AMBRA1: variants seen among roughly 807,000 people sequenced by gnomAD.
AMBRA1 encodes the protein autophagy and beclin 1 regulator 1.
A neutral mutation model predicts 125.4 loss-of-function variants in AMBRA1; 47 were observed. The ratio of observed to expected loss-of-function variants is 0.37; its 90% CI spans 0.30 to 0.48. The LOEUF is 0.48. Among genes scored for constraint, AMBRA1 ranks in the 20% least tolerant of loss-of-function variants. The pLI is 0.99. For missense variants in AMBRA1, 1,331 were observed against 1,693.4 expected, an observed-to-expected ratio of 0.79 and a Z score of 3.76; for synonymous variants, 626 against 655.5, an observed-to-expected ratio of 0.95 and a Z score of 0.69.
At chr11:46,438,688 C>T (rs1347053168) in intron 12 of AMBRA1, among the ~76,000 whole-genome samples, 1 of 152,156 alleles carries the variant, frequency 6.6e-6, no homozygotes, top group Admixed American at 6.5e-5. Context: ...ATCGCCTGCC[C>T]CACACCACTC....
intron 4 of AMBRA1, among the ~76,000 whole-genome samples, chr11:46,546,637 A>AT (rs1314055219): frequency 6.6e-6 from 1 of 151,888 alleles, no homozygotes; most frequent in Non-Finnish European, 1.5e-5. Context: ...AAAAAAAAAA[A>AT]GGAATGGAAG....
chr11:46,418,883 A>G (rs975881668), intron 14 of AMBRA1, among the ~76,000 whole-genome samples: 1 of 152,120 alleles, frequency 6.6e-6, no homozygotes, highest in African/African-American at 2.4e-5. Context: ...CGGACTGCCC[A>G]TAACTTTCCT....
chr11:46,591,899 A>C (rs1317844713), intron 1 of AMBRA1, among the ~76,000 whole-genome samples: 1 of 151,076 alleles, frequency 6.6e-6, no homozygotes, highest in Admixed American at 6.6e-5. Flanking sequence ...CTGATTCTAC[A>C]TACTTTGGAA....
chr11:46,454,322 C>G (rs767624224), intron 11 of AMBRA1, among the ~76,000 whole-genome samples: 1 of 151,560 alleles, frequency 6.6e-6, no homozygotes, highest in African/African-American at 2.4e-5. Flanking sequence ...AGCCATCATG[C>G]CTGGCAAACT....
At chr11:46,522,155 G>T (rs918996120) in intron 7 of AMBRA1, among the ~76,000 whole-genome samples, 3 of 152,220 alleles carry the variant, frequency 2.0e-5, no homozygotes, top group African/African-American at 7.2e-5. Context: ...CGTCTGAGAA[G>T]TCAGCCAGTT....
intron 15 of AMBRA1, among the ~76,000 whole-genome samples, chr11:46,413,144 C>G (rs989445261): frequency 4.6e-5 from 7 of 152,228 alleles, no homozygotes; most frequent in African/African-American, 1.7e-4. Context: ...CAGCATAATG[C>G]TGGTGGCCAA....
chr11:46,438,704 C>T (rs1470539864), intron 12 of AMBRA1, among the ~76,000 whole-genome samples: 2 of 152,198 alleles, frequency 1.3e-5, no homozygotes, highest in African/African-American at 4.8e-5. Flanking sequence ...CACTCATCCG[C>T]CGGGTTTCTT....
At chr11:46,413,203 C>T (rs1379105934) in intron 15 of AMBRA1, among the ~76,000 whole-genome samples, 2 of 152,252 alleles carry the variant, frequency 1.3e-5, no homozygotes, top group East Asian at 1.9e-4. Context: ...GGAGCATCAT[C>T]GGCTCAGGGC....
chr11:46,503,530 A>G (rs1950921480), intron 9 of AMBRA1, among the ~76,000 whole-genome samples: 1 of 152,208 alleles, frequency 6.6e-6, no homozygotes, highest in South Asian at 2.1e-4. Flanking sequence ...AAATGAGCAC[A>G]TGCTGTTGGA....
At chr11:46,480,307 A>G (rs1225081526) in intron 11 of AMBRA1, among the ~76,000 whole-genome samples, 1 of 152,204 alleles carries the variant, frequency 6.6e-6, no homozygotes, top group Admixed American at 6.5e-5. Flanking sequence ...TTTACCTACT[A>G]AACCATCTAA....
chr11:46,548,695 G>C (rs2042898342), intron 1 of AMBRA1, among the ~76,000 whole-genome samples, 195 bp from the exon 2 acceptor site: 1 of 152,084 alleles, frequency 6.6e-6, no homozygotes, highest in Non-Finnish European at 1.5e-5. Context: ...CAACCTTGTA[G>C]CTAAAGAAAG....
intron 9 of AMBRA1, among the ~76,000 whole-genome samples, chr11:46,499,223 C>G (rs1215772468): frequency 6.6e-6 from 1 of 152,184 alleles, no homozygotes; most frequent in Non-Finnish European, 1.5e-5. Flanking sequence ...AATCCACATT[C>G]CTATTGTGCA....
At chr11:46,413,825 A>T (rs1946407983) in intron 15 of AMBRA1, among the ~76,000 whole-genome samples, 1 of 152,218 alleles carries the variant, frequency 6.6e-6, no homozygotes, top group Non-Finnish European at 1.5e-5. Context: ...AGTGTCACTG[A>T]CTGTCTGTGA....
At chr11:46,492,866 G>A (rs1339484609) in intron 11 of AMBRA1, among the ~76,000 whole-genome samples, 1 of 152,166 alleles carries the variant, frequency 6.6e-6, no homozygotes, top group African/African-American at 2.4e-5. Flanking sequence ...TGGCTAACAC[G>A]TTGAAACCCC....
At chr11:46,467,549 CTTT>C (rs577671556) in intron 11 of AMBRA1, among the ~76,000 whole-genome samples, 3 of 134,274 alleles carry the variant, frequency 2.2e-5, no homozygotes, top group Admixed American at 7.5e-5. Context: ...CTATGTTACT[CTTT>C]TTTTTTTTTT....
chr11:46,517,048 G>A (rs541651443), intron 7 of AMBRA1, among the ~76,000 whole-genome samples: 23 of 152,106 alleles, frequency 1.5e-4, no homozygotes, highest in African/African-American at 4.6e-4. Context: ...TGAGGTATAC[G>A]AGGGGTTGTG....
At chr11:46,519,657 C>T (rs946616152) in intron 7 of AMBRA1, among the ~76,000 whole-genome samples, 3 of 152,164 alleles carry the variant, frequency 2.0e-5, no homozygotes, top group Admixed American at 6.6e-5. Context: ...GGATGGCAAC[C>T]GCTATTTCCA....
At chr11:46,413,560 G>A (rs1269251639) in intron 15 of AMBRA1, among the ~76,000 whole-genome samples, 1 of 151,618 alleles carries the variant, frequency 6.6e-6, no homozygotes. Context: ...GTGTGATCTC[G>A]GCTCACTGCA....
chr11:46,430,042 T>A (rs80237103), intron 14 of AMBRA1, among the ~76,000 whole-genome samples: 1 of 152,120 alleles, frequency 6.6e-6, no homozygotes, highest in East Asian at 1.9e-4. Flanking sequence ...TTACCCATCA[T>A]TAAAACTGGG....
Sources: allele counts gnomAD v4.1 joint callset (sites outside exome capture counted in the v4.1 genomes callset), GRCh38; gene constraint gnomAD v4.1.1; transcripts MANE v1.5; gene names NCBI Gene and HGNC (gene_info 2026-07-23, HGNC 2026-07-21).